OSBPL2: variants seen among roughly 807,000 people sequenced by gnomAD.
OSBPL2 encodes the protein oxysterol-binding protein-related protein 2.
A neutral mutation model predicts 58.4 loss-of-function variants in OSBPL2; 18 were observed. That is an observed-to-expected ratio of 0.31 (90% confidence interval 0.21 to 0.46). The LOEUF is 0.46. OSBPL2 is among the 20% of genes least tolerant of loss of function. The probability of loss-of-function intolerance (pLI) is 1.00; values close to 1 mark genes in which losing one functional copy is unlikely to be tolerated. For synonymous variants in OSBPL2, 221 were observed against 234.1 expected, an observed-to-expected ratio of 0.94 and a Z score of 0.51; for missense variants, 461 against 616.5, an observed-to-expected ratio of 0.75 and a Z score of 2.67.
chr20:62,281,348 G>C, intron 8 of OSBPL2, 183 bp downstream of exon 8: 1 of 577,860 alleles, frequency 1.7e-6, no homozygotes, highest in Non-Finnish European at 3.1e-6. Flanking sequence ...GGCCATGAAT[G>C]CTCCTCGTTC....
chr20:62,262,302 C>T (rs535981710), intron 3 of OSBPL2, among the ~76,000 whole-genome samples: 3 of 152,352 alleles, frequency 2.0e-5, no homozygotes, highest in African/African-American at 2.4e-5. Context: ...TGTTGCCTCC[C>T]GTCCCAGCTG....
intron 2 of OSBPL2, 133 bp downstream of exon 2, chr20:62,256,354 C>T (rs1432232076): frequency 5.6e-6 from 4 of 714,880 alleles, no homozygotes; most frequent in Non-Finnish European, 4.5e-6. Context: ...CGATCCCAAA[C>T]ACGGACTGTT....
intron 2 of OSBPL2, among the ~76,000 whole-genome samples, chr20:62,257,572 AC>A: frequency 6.6e-6 from 1 of 151,980 alleles, no homozygotes; most frequent in Middle Eastern, 3.4e-3. Context: ...AGGCTCTCAC[AC>A]CCTTGGGCTG....
In OSBPL2 at chr20:62,273,442, A is replaced by C. The variant is rs761696146; in HGVS notation, c.491+36A>C. On this transcript the variant is annotated intron_variant, in intron 6 of 13. Coordinates refer to ENST00000313733, the MANE Select transcript of OSBPL2 (RefSeq NM_144498.4). ...AAAGGCCCATCATAAATATCTTGTA[A>C]ATGGAATTCCTTGGATGACAGATAA... 3 of 1,434,836 alleles carry C rather than the reference A, an allele frequency of 2.1e-6. No homozygotes were observed. In the South Asian group the frequency reaches 3.5e-5, roughly 17 times the overall value. The allele number at this position is 1,434,836 out of a possible 1,614,324, so 88.9% of individuals were successfully genotyped here. A position where few individuals can be genotyped will look rare whatever the true frequency, so the allele number is the denominator to read the frequency against.
chr20:62,286,448 T>TG, intron 10 of OSBPL2, 135 bp from the exon 11 acceptor site: 1 of 931,664 alleles, frequency 1.1e-6, no homozygotes, highest in East Asian at 2.5e-5. Flanking sequence ...AGACTCCGTC[T>TG]GAAAAAAAAA....
At chr20:62,292,590 G>GTAA (rs1220742914) in intron 13 of OSBPL2, among the ~76,000 whole-genome samples, 13 of 152,210 alleles carry the variant, frequency 8.5e-5, no homozygotes, top group African/African-American at 2.7e-4. Context: ...ATAATGTACT[G>GTAA]TAATAAGTAT....
At chr20:62,291,503 C>T in intron 12 of OSBPL2, 200 bp from the exon 13 acceptor site, 1 of 621,238 alleles carries the variant, frequency 1.6e-6, no homozygotes, top group Non-Finnish European at 2.9e-6. Context: ...CTCAGCTCCG[C>T]TTGGGAAGGG....
intron 4 of OSBPL2, among the ~76,000 whole-genome samples, chr20:62,266,492 C>T (rs935675273): frequency 4.6e-5 from 7 of 152,288 alleles, no homozygotes; most frequent in South Asian, 2.1e-4. Flanking sequence ...GGCTGTGGCT[C>T]GTTCTGGATC....
At chr20:62,293,339 G>A (rs977321862) in intron 13 of OSBPL2, among the ~76,000 whole-genome samples, 9 of 152,210 alleles carry the variant, frequency 5.9e-5, no homozygotes, top group African/African-American at 2.2e-4. Flanking sequence ...CTGAACCAGC[G>A]CCAACACTCA....
intron 4 of OSBPL2, among the ~76,000 whole-genome samples, chr20:62,271,120 T>C (rs1420389274): frequency 1.3e-5 from 2 of 152,092 alleles, no homozygotes; most frequent in Non-Finnish European, 2.9e-5. Flanking sequence ...CTGAAGAGCC[T>C]GCCCTGAGGT....
chr20:62,245,388 C>T (rs765111708), intron 1 of OSBPL2, among the ~76,000 whole-genome samples: 17 of 152,298 alleles, frequency 1.1e-4, no homozygotes, highest in South Asian at 4.1e-4. Flanking sequence ...CCACCGCGCC[C>T]GGCCTGAAAC....
At chr20:62,287,091 G>A (rs1983184674) in intron 11 of OSBPL2, among the ~76,000 whole-genome samples, 1 of 152,238 alleles carries the variant, frequency 6.6e-6, no homozygotes, top group Non-Finnish European at 1.5e-5. Flanking sequence ...ATCAAAAGAG[G>A]CTTCCAAGCC....
At chr20:62,245,167 C>T (rs1025804017) in intron 1 of OSBPL2, among the ~76,000 whole-genome samples, 4 of 151,430 alleles carry the variant, frequency 2.6e-5, no homozygotes, top group East Asian at 1.9e-4. Flanking sequence ...GGCGCGATCT[C>T]GGCTCACTGC....
At chr20:62,242,954 G>A (rs776689327) in intron 1 of OSBPL2, among the ~76,000 whole-genome samples, 35 of 152,182 alleles carry the variant, frequency 2.3e-4, no homozygotes, top group Non-Finnish European at 4.4e-4. Context: ...GGAGGACTAT[G>A]GTGTGGAAGT....
At chr20:62,256,594 A>C (rs888496620) in intron 2 of OSBPL2, among the ~76,000 whole-genome samples, 6 of 152,244 alleles carry the variant, frequency 3.9e-5, no homozygotes, top group Admixed American at 2.6e-4. Flanking sequence ...CTGGGTCTGC[A>C]GCTGCGCTCA....
At position 62,291,770 on chromosome 20, in the gene OSBPL2, G is replaced by A; in HGVS notation, c.1317G>A (p.Lys439=). The A allele has an allele frequency of 6.2e-7, 1 of 1,613,336 alleles. No individual in the cohort carries two copies. Among genetic ancestry groups the A allele is most frequent in the Non-Finnish European group, 8.5e-7 (1 of 1,179,972 alleles). ...KQREARRERA[K]EEAEWQTRWF... is the part of the protein sequence containing the mutation. ...GAGAAGCACGGAGGGAGCGGGCCAA[G>A]GAGGAGGCAGAGTGGCAGACGAGGT... Residue 439 remains lysine, a synonymous_variant, in exon 13 of 14, where the codon AAG becomes AAA. Coordinates refer to ENST00000313733, the MANE Select transcript of OSBPL2 (RefSeq NM_144498.4).
At chr20:62,290,515 C>G (rs1983434827) in intron 12 of OSBPL2, among the ~76,000 whole-genome samples, 1 of 137,528 alleles carries the variant, frequency 7.3e-6, no homozygotes, top group South Asian at 2.4e-4. Flanking sequence ...CTTCTGGGTT[C>G]AGGCCATTCT....
Position 62,269,613 on chromosome 20 carries a change from G to T in OSBPL2, c.259-2512G>T, listed in dbSNP as rs775331375. 1.3e-5 allele frequency among the ~76,000 whole-genome samples: 2 copies of T among 152,208 alleles called. No homozygotes were observed. Among genetic ancestry groups the T allele is most frequent in the African/African-American group, 4.8e-5 (2 of 41,444 alleles). ...GCCTCCCTGGTCCCAATCTCTGGCC[G>T]CTGTGGACTGTGGCCTCTTCTAGTT... On this transcript the variant is annotated intron_variant, in intron 4 of 13. Transcript: ENST00000313733. This position sits in a 1 kb window ranked among gnomAD's most constrained non-coding sequence, Gnocchi z 4.2.
chr20:62,266,536 C>A (rs1158975886), intron 4 of OSBPL2, among the ~76,000 whole-genome samples: 1 of 151,820 alleles, frequency 6.6e-6, no homozygotes, highest in Non-Finnish European at 1.5e-5. Context: ...TCTGGATCTG[C>A]AGTGATTGGC....
Sources: allele counts gnomAD v4.1 joint callset (sites outside exome capture counted in the v4.1 genomes callset), GRCh38; gene constraint gnomAD v4.1.1; non-coding constraint Gnocchi (gnomAD v3.1); transcripts MANE v1.5; gene names NCBI Gene and HGNC (gene_info 2026-07-23, HGNC 2026-07-21).